Variants in TRPM6 observed in about 807,000 individuals in gnomAD.
TRPM6 encodes the protein channel kinase 2.
TRPM6 carries 111 observed loss-of-function variants against 247.6 expected under a neutral mutation model. The ratio of observed to expected loss-of-function variants is 0.45; its 90% CI spans 0.38 to 0.52. TRPM6 has a LOEUF of 0.52. Ranked by LOEUF, TRPM6 falls within the 20% of genes least tolerant of loss-of-function variation. The probability of loss-of-function intolerance (pLI) is 0.00; values close to 1 mark genes in which losing one functional copy is unlikely to be tolerated. For missense variants in TRPM6, 2,126 were observed against 2,421.5 expected (o/e 0.88, Z 2.56); for synonymous variants, 892 against 853.8 (o/e 1.04, Z -0.78).
chr9:74,884,129 AC>A lies in TRPM6; in HGVS notation c.33+3694del, dbSNP rs200761718. Reference sequence around the variant, plus strand: ...GTGCCATTGCACTCCAGCCTGGGCAACAAGAGCAAAACTCCATCTCAAAAAA... The same window carrying A: ...GTGCCATTGCACTCCAGCCTGGGCAAAAGAGCAAAACTCCATCTCAAAAAA... On this transcript the variant is annotated intron_variant, in intron 1 of 38. Transcript: ENST00000360774. 9.3e-3 allele frequency among the ~76,000 whole-genome samples: 1,413 copies of A among 152,292 alleles called. 28 individuals are homozygous for A. Among genetic ancestry groups the A allele is most frequent in the African/African-American group, 0.033 (1,350 of 41,534 alleles).
At chr9:74,861,220 A>T (rs528573411) in intron 1 of TRPM6, among the ~76,000 whole-genome samples, 1 of 152,346 alleles carries the variant, frequency 6.6e-6, no homozygotes, top group South Asian at 2.1e-4. Context: ...TGAATTTCAA[A>T]ATACCTGAAT....
intron 11 of TRPM6, among the ~76,000 whole-genome samples, chr9:74,814,341 AC>A (rs1313270745): frequency 6.6e-6 from 1 of 152,172 alleles, no homozygotes; most frequent in Non-Finnish European, 1.5e-5. Context: ...ATTAATAGGT[AC>A]CAAAAAATAG....
chr9:74,747,341 A>G (rs1826083235), intron 31 of TRPM6, among the ~76,000 whole-genome samples: 2 of 152,250 alleles, frequency 1.3e-5, no homozygotes, highest in South Asian at 4.1e-4. Context: ...GAAACCCAAG[A>G]AAGTGTGATG....
At chr9:74,743,950 G>T (rs1456059222) in intron 32 of TRPM6, 145 bp downstream of exon 32, 6 of 799,064 alleles carry the variant, frequency 7.5e-6, no homozygotes, top group Non-Finnish European at 1.2e-5. Flanking sequence ...TTAGAAATTG[G>T]AATGTTCTTC....
At chr9:74,833,742 T>G (rs574819715) in intron 6 of TRPM6, among the ~76,000 whole-genome samples, 1 of 152,200 alleles carries the variant, frequency 6.6e-6, no homozygotes, top group African/African-American at 2.4e-5. Context: ...ATTTTTAAAG[T>G]GGAACTGATA....
rs569853930 is a variant in TRPM6 at position 74,848,227 on chromosome 9, C to T, written c.153-5884G>A. Among the ~76,000 whole-genome samples the T allele has an allele frequency of 2.0e-5, 3 of 152,320 alleles. No homozygotes were observed. The East Asian group carries it at 5.8e-4, about 29-fold the overall frequency. On this transcript the variant is annotated intron_variant, in intron 3 of 38. Transcript: ENST00000360774. ...TTCACCTTTTCACTTAAAGAAAGCACTTTATGGCTCTTTGGCATGTCCAAA... is the reference window on the plus strand; with the variant it reads ...TTCACCTTTTCACTTAAAGAAAGCATTTTATGGCTCTTTGGCATGTCCAAA...
intron 1 of TRPM6, among the ~76,000 whole-genome samples, chr9:74,875,994 A>C (rs1831182062): frequency 6.6e-6 from 1 of 152,260 alleles, no homozygotes; most frequent in Admixed American, 6.5e-5. Flanking sequence ...AATAGAAGAT[A>C]TCTACATTCC....
chr9:74,885,646 G>A (rs973025374), intron 1 of TRPM6, among the ~76,000 whole-genome samples: 1 of 152,212 alleles, frequency 6.6e-6, no homozygotes, highest in Admixed American at 6.5e-5. Flanking sequence ...GTAGACTTCT[G>A]ATGTGTCACA....
intron 1 of TRPM6, among the ~76,000 whole-genome samples, chr9:74,879,849 C>T (rs764273026): frequency 3.9e-5 from 6 of 152,066 alleles, no homozygotes; most frequent in Admixed American, 1.3e-4. Context: ...TTCTGTGAGC[C>T]GCCCCAGCAA....
At chr9:74,761,179 G>C (rs575000786) in intron 27 of TRPM6, among the ~76,000 whole-genome samples, 1 of 152,280 alleles carries the variant, frequency 6.6e-6, no homozygotes, top group South Asian at 2.1e-4. Context: ...AAAATGTTAC[G>C]ATTACCTTGG....
chr9:74,782,697 A>G lies in TRPM6; in HGVS notation c.3076T>C (p.Tyr1026His). 2 of 1,614,192 alleles carry G rather than the reference A, an allele frequency of 1.2e-6. No homozygotes were observed. Among genetic ancestry groups the G allele is most frequent in the Non-Finnish European group, 1.7e-6 (2 of 1,180,028 alleles). Residue 1026 changes from tyrosine (Y) to histidine (H), a missense_variant, in exon 22 of 39, where the codon TAT becomes CAT. Tyr to His is a moderately conservative substitution (Grantham distance 83, BLOSUM62 2). Around this residue, in one of 3 missense-constraint regions of TRPM6, gnomAD observed 1,082 missense variants for 1,307.9 expected, o/e 0.83. Transcript: ENST00000360774. ...TACACACCATCTATTTCTCCAGCAT[A>G]GACTTCTCCGTATATCATCCAGTAT... ...EPYWMIYGEV[Y>H]AGEIDVCSSQ...
At chr9:74,784,805 G>C (rs542607446) in intron 21 of TRPM6, among the ~76,000 whole-genome samples, 1 of 152,268 alleles carries the variant, frequency 6.6e-6, no homozygotes, top group African/African-American at 2.4e-5. Flanking sequence ...CTTGCTCGCT[G>C]TGCTTCTATA....
intron 36 of TRPM6, among the ~76,000 whole-genome samples, chr9:74,736,353 C>T (rs1484071415): frequency 6.6e-6 from 1 of 152,166 alleles, no homozygotes; most frequent in Admixed American, 6.5e-5. Flanking sequence ...TCTCCACTTC[C>T]ACCACCCAGA....
intron 23 of TRPM6, among the ~76,000 whole-genome samples, chr9:74,778,950 C>T (rs2118908328): frequency 6.6e-6 from 1 of 152,294 alleles, no homozygotes; most frequent in Non-Finnish European, 1.5e-5. Flanking sequence ...ACAGCAGGAG[C>T]ATCACACCAT....
chr9:74,837,756 T>C (rs1322166539), intron 5 of TRPM6, among the ~76,000 whole-genome samples: 1 of 150,916 alleles, frequency 6.6e-6, no homozygotes. Context: ...CCCTTTTTTT[T>C]TTTTTTTTTT....
In TRPM6 at chr9:74,869,525, G is replaced by A. The variant is rs112401396; in HGVS notation, c.34-10777C>T. Among the ~76,000 whole-genome samples, 12 of 151,670 alleles carry A rather than the reference G, an allele frequency of 7.9e-5. 1 individual carries two copies. In the South Asian group the frequency reaches 1.0e-3, roughly 13 times the overall value. On this transcript the variant is annotated intron_variant, in intron 1 of 38. Transcript: ENST00000360774. ...AAAGCCAACACTAAAGTAGTCTGTCGTATCTGCCAAAGGCTGGGAGGGCTA... is the reference window on the plus strand; with the variant it reads ...AAAGCCAACACTAAAGTAGTCTGTCATATCTGCCAAAGGCTGGGAGGGCTA...
At chr9:74,784,092 CTAAAAAA>C (rs1827559681) in intron 21 of TRPM6, among the ~76,000 whole-genome samples, 1 of 151,788 alleles carries the variant, frequency 6.6e-6, no homozygotes. Flanking sequence ...CCCGTCTCTA[CTAAAAAA>C]TAAAAAATTA....
intron 1 of TRPM6, among the ~76,000 whole-genome samples, chr9:74,867,181 A>G (rs1375157643): frequency 6.6e-6 from 1 of 152,232 alleles, no homozygotes; most frequent in East Asian, 1.9e-4. Flanking sequence ...GAGTATTTTA[A>G]TGGCCTTTTT....
At chr9:74,874,324 G>A (rs890731458) in intron 1 of TRPM6, among the ~76,000 whole-genome samples, 31 of 151,946 alleles carry the variant, frequency 2.0e-4, no homozygotes, top group Non-Finnish European at 5.9e-5. Flanking sequence ...AGAATCTTAT[G>A]AGTTAACAGA....
Sources: allele counts gnomAD v4.1 joint callset (sites outside exome capture counted in the v4.1 genomes callset), GRCh38; gene constraint gnomAD v4.1.1; regional missense constraint gnomAD v4.1.1; transcripts MANE v1.5; gene names NCBI Gene and HGNC (gene_info 2026-07-23, HGNC 2026-07-21).